KIAA1328: variants seen among roughly 807,000 people sequenced by gnomAD.
KIAA1328 encodes protein hinderin.
KIAA1328 carries 52 observed loss-of-function variants against 68.1 expected under a neutral mutation model. The ratio of observed to expected loss-of-function variants is 0.76; its 90% CI spans 0.61 to 0.96. The LOEUF (loss-of-function observed/expected upper bound fraction) is 0.96. KIAA1328 is among the 40% of genes least tolerant of loss of function. The probability of loss-of-function intolerance (pLI) is 0.00; values close to 1 mark genes in which losing one functional copy is unlikely to be tolerated. For missense variants in KIAA1328, 641 were observed against 677.6 expected, an observed-to-expected ratio of 0.95 and a Z score of 0.60; for synonymous variants, 232 against 239.4, an observed-to-expected ratio of 0.97 and a Z score of 0.28.
chr18:36,835,506 C>T (rs967410179), intron 3 of KIAA1328, 130 bp downstream of exon 3: 2 of 926,776 alleles, frequency 2.2e-6, no homozygotes, highest in African/African-American at 1.7e-5. Context: ...CAGAGGATTC[C>T]AGGATCCTTT....
intron 6 of KIAA1328, among the ~76,000 whole-genome samples, chr18:36,998,019 ACTTCTC>A (rs887098382): frequency 7.2e-5 from 11 of 152,108 alleles, no homozygotes; most frequent in African/African-American, 2.4e-4. Flanking sequence ...TGTGGCTCCT[ACTTCTC>A]CTCACCCATG....
At chr18:36,863,553 A>G (rs1357024210) in intron 4 of KIAA1328, among the ~76,000 whole-genome samples, 36 of 152,160 alleles carry the variant, frequency 2.4e-4, no homozygotes, top group Admixed American at 2.4e-3. Context: ...GTCTACATAA[A>G]ATTCTGCTGT....
At chr18:36,955,987 T>C (rs2051397668) in intron 5 of KIAA1328, 1 of 152,182 alleles carries the variant, frequency 6.6e-6, no homozygotes, top group Admixed American at 6.5e-5. Context: ...CTTAGTAGTA[T>C]ATCCTATCTC....
intron 5 of KIAA1328, chr18:36,924,003 C>T (rs2050023373): frequency 6.6e-6 from 1 of 152,082 alleles, no homozygotes; most frequent in African/African-American, 2.4e-5. Flanking sequence ...TGATTCCAAA[C>T]CATTGAGTGT....
chr18:37,164,283 C>T (rs548942139), intron 8 of KIAA1328, among the ~76,000 whole-genome samples: 4 of 152,194 alleles, frequency 2.6e-5, no homozygotes, highest in East Asian at 1.9e-4. Flanking sequence ...ATTTTTCTTT[C>T]GATGCCCTTA....
intron 3 of KIAA1328, among the ~76,000 whole-genome samples, chr18:36,840,458 A>AT (rs199672374): frequency 0.037 from 4,994 of 133,234 alleles, 102 homozygotes; most frequent in East Asian, 0.1. Context: ...ATGTCTTGTG[A>AT]TTTTTTTTTT....
intron 6 of KIAA1328, chr18:37,063,402 GAT>G (rs1394371602): frequency 1.7e-4 from 26 of 152,736 alleles, no homozygotes; most frequent in African/African-American, 6.3e-4. Flanking sequence ...GCACACCCAG[GAT>G]AGTCTCCCTT....
At chr18:36,898,730 A>G (rs1036091689) in intron 5 of KIAA1328, among the ~76,000 whole-genome samples, 27 of 152,110 alleles carry the variant, frequency 1.8e-4, no homozygotes, top group African/African-American at 6.5e-4. Context: ...ATGATTTGCA[A>G]TTCTAGTCAG....
intron 6 of KIAA1328, among the ~76,000 whole-genome samples, chr18:36,997,096 T>C (rs903007847): frequency 6.6e-6 from 1 of 151,924 alleles, no homozygotes; most frequent in Non-Finnish European, 1.5e-5. Flanking sequence ...TCTACTCCTC[T>C]CCATCCCCAC....
intron 5 of KIAA1328, among the ~76,000 whole-genome samples, chr18:36,924,250 T>C (rs2151120217): frequency 6.6e-6 from 1 of 152,256 alleles, no homozygotes; most frequent in East Asian, 1.9e-4. Flanking sequence ...ATAATATTTC[T>C]GGGGGCAGGA....
At chr18:36,977,853 G>T (rs914961760) in intron 6 of KIAA1328, among the ~76,000 whole-genome samples, 3 of 151,808 alleles carry the variant, frequency 2.0e-5, no homozygotes, top group African/African-American at 7.3e-5. Context: ...GTGCAGTCTT[G>T]GCTCACTGCA....
chr18:37,079,600 AAGTTCAG>A (rs1482109221), intron 7 of KIAA1328, among the ~76,000 whole-genome samples: 1 of 151,996 alleles, frequency 6.6e-6, no homozygotes, highest in African/African-American at 2.4e-5. Context: ...ACATATGTAA[AAGTTCAG>A]GCCAGGTGTG....
chr18:37,182,024 A>G (rs1401370308), intron 9 of KIAA1328, among the ~76,000 whole-genome samples: 2 of 152,110 alleles, frequency 1.3e-5, no homozygotes, highest in Non-Finnish European at 1.5e-5. Context: ...CAACCCAGCA[A>G]TAGATGAGGA....
chr18:37,092,927 A>ACTC (rs2057306200), intron 7 of KIAA1328, among the ~76,000 whole-genome samples: 1 of 152,144 alleles, frequency 6.6e-6, no homozygotes, highest in Non-Finnish European at 1.5e-5. Flanking sequence ...GCCTGAATAA[A>ACTC]TCAATGGGGA....
chr18:37,195,172 C>G (rs901671785), intron 9 of KIAA1328, among the ~76,000 whole-genome samples: 3 of 152,254 alleles, frequency 2.0e-5, no homozygotes, highest in African/African-American at 7.2e-5. Flanking sequence ...AACTTCCCTA[C>G]TGTGCTATTG....
chr18:37,039,893 G>A (rs977156673), intron 6 of KIAA1328, among the ~76,000 whole-genome samples: 1 of 152,098 alleles, frequency 6.6e-6, no homozygotes, highest in Admixed American at 6.5e-5. Flanking sequence ...GACACTCTTG[G>A]GAAGAATCTG....
chr18:36,940,197 T>C (rs1167127335), intron 5 of KIAA1328, among the ~76,000 whole-genome samples: 2 of 152,218 alleles, frequency 1.3e-5, no homozygotes, highest in Non-Finnish European at 2.9e-5. Flanking sequence ...AATTTTGTCA[T>C]AGTGGTTTAG....
chr18:37,122,016 A>T (rs1599349884), intron 7 of KIAA1328, among the ~76,000 whole-genome samples: 2 of 152,262 alleles, frequency 1.3e-5, no homozygotes, highest in South Asian at 4.1e-4. Flanking sequence ...TTTGGTTGGC[A>T]TGATGTTTTT....
At chr18:37,001,459 A>G in intron 6 of KIAA1328, among the ~76,000 whole-genome samples, 1 of 152,198 alleles carries the variant, frequency 6.6e-6, no homozygotes, top group East Asian at 1.9e-4. Flanking sequence ...AAAAACTAAT[A>G]TAAATTCTTC....
Sources: allele counts gnomAD v4.1 joint callset (sites outside exome capture counted in the v4.1 genomes callset), GRCh38; gene constraint gnomAD v4.1.1; transcripts MANE v1.5; gene names NCBI Gene and HGNC (gene_info 2026-07-23, HGNC 2026-07-21).